The following DMKN variants were observed in gnomAD, a reference collection of about 807,000 sequenced individuals.
The protein encoded by DMKN is dermokine.
A neutral mutation model predicts 67.6 loss-of-function variants in DMKN; 58 were observed. The observed-to-expected ratio is 0.86, with a 90% CI of 0.69 to 1.07. The LOEUF (loss-of-function observed/expected upper bound fraction) is 1.07. DMKN is among the 50% of genes least tolerant of loss of function. The probability of loss-of-function intolerance (pLI) is 0.00; values close to 1 mark genes in which losing one functional copy is unlikely to be tolerated. For missense variants in DMKN, 596 were observed against 601.5 expected (o/e 0.99, Z 0.10); for synonymous variants, 240 against 232.3 (o/e 1.03, Z -0.30).
chr19:35,502,078 G>A (rs2068492171), intron 11 of DMKN, 58 bp downstream of exon 11: 23 of 1,609,614 alleles, frequency 1.4e-5, no homozygotes, highest in South Asian at 1.1e-4. Context: ...CTGGGTCAGC[G>A]GCTCGCCCAG....
chr19:35,503,526 A>G, intron 9 of DMKN: 3 of 1,515,778 alleles, frequency 2.0e-6, no homozygotes, highest in Non-Finnish European at 2.6e-6. Context: ...CCCAGGCTGG[A>G]GTGCAGTGGC....
At position 35,511,567 on chromosome 19, in the gene DMKN, G is replaced by C; in HGVS notation, c.762C>G (p.Ser254Arg). 6.3e-7 allele frequency: 1 copy of C among 1,596,626 alleles called. No individual in the cohort carries two copies. Among genetic ancestry groups the C allele is most frequent in the Non-Finnish European group, 8.5e-7 (1 of 1,174,816 alleles). ...TGTCACCATTGCTGCCACTGCCACT[G>C]CTGCCCGACTGTGAGCCGCTGCCTC... is the stretch of plus-strand genomic sequence containing the variant. ...SGGGSGSQSG[S>R]SGSGSNGDNN... The change falls in exon 5 of 16, where the codon AGC (serine) becomes AGG (arginine). Residue 254 changes from serine to arginine, a missense_variant. Transcript: ENST00000339686.
At chr19:35,512,890 G>A (rs1221089428) in intron 1 of DMKN, 100 bp from the exon 2 acceptor site, 5 of 1,509,194 alleles carry the variant, frequency 3.3e-6, no homozygotes, top group Non-Finnish European at 3.5e-6. Context: ...GACAGGCAGA[G>A]GGACTCCAGG....
intron 5 of DMKN, 35 bp from the exon 6 acceptor site, chr19:35,510,287 A>C: frequency 6.4e-7 from 1 of 1,571,126 alleles, no homozygotes; most frequent in South Asian, 1.2e-5. Context: ...ACGCTGTCCT[A>C]AAGGACCTAA....
intron 11 of DMKN, among the ~76,000 whole-genome samples, chr19:35,501,415 G>A (rs991876150): frequency 3.9e-5 from 6 of 152,178 alleles, no homozygotes; most frequent in Non-Finnish European, 8.8e-5. Flanking sequence ...CTGGTTCTTC[G>A]TGAAACATCA....
intron 9 of DMKN, chr19:35,503,221 C>T: frequency 6.9e-7 from 1 of 1,445,536 alleles, no homozygotes; most frequent in Non-Finnish European, 9.1e-7. Flanking sequence ...CAGCCCGTTT[C>T]CCGAAGCTGT....
intron 9 of DMKN, 133 bp downstream of exon 9, chr19:35,505,585 G>A (rs1315388784): frequency 3.6e-6 from 4 of 1,119,522 alleles, no homozygotes; most frequent in African/African-American, 3.1e-5. Context: ...CACCCCCAGT[G>A]TGTTTAGTTT....
At chr19:35,511,644 C>A in intron 4 of DMKN, 51 bp from the exon 5 acceptor site, 1 of 1,596,442 alleles carries the variant, frequency 6.3e-7, no homozygotes, top group Non-Finnish European at 8.6e-7. Context: ...AGCACCAAGA[C>A]GGGCCCCTCC....
At chr19:35,507,633 CAG>C in intron 7 of DMKN, 1 of 798,772 alleles carries the variant, frequency 1.3e-6, no homozygotes, top group Non-Finnish European at 2.1e-6. Flanking sequence ...ATGAGCATGA[CAG>C]AGGACTTCCC....
chr19:35,500,442 G>A (rs1303043368), intron 12 of DMKN, 91 bp downstream of exon 12: 1 of 1,556,048 alleles, frequency 6.4e-7, no homozygotes, highest in Non-Finnish European at 8.7e-7. Flanking sequence ...TTGAATGGAG[G>A]AGTGAAAGAG....
At chr19:35,501,069 C>T (rs1049845940) in intron 11 of DMKN, among the ~76,000 whole-genome samples, 2 of 152,184 alleles carry the variant, frequency 1.3e-5, no homozygotes, top group Non-Finnish European at 2.9e-5. Flanking sequence ...AAGAGAAATA[C>T]AAGAAAACAG....
chr19:35,512,930 G>A, intron 1 of DMKN, 120 bp downstream of exon 1: 2 of 1,521,906 alleles, frequency 1.3e-6, no homozygotes, highest in Non-Finnish European at 1.8e-6. Flanking sequence ...GAACATAGAA[G>A]GAAGCTGCCC....
At chr19:35,508,251 A>T in intron 7 of DMKN, 1 of 1,552,128 alleles carries the variant, frequency 6.4e-7, no homozygotes, top group Non-Finnish European at 8.7e-7. Context: ...CTGCAGGGTG[A>T]GACAAAGAAA....
chr19:35,512,692 T>C lies in DMKN; in HGVS notation c.525A>G (p.Gly175=), dbSNP rs374278860. The C allele has an allele frequency of 1.9e-6, 3 of 1,614,174 alleles. No homozygotes were observed. Among genetic ancestry groups the C allele is most frequent in the Non-Finnish European group, 2.5e-6 (3 of 1,180,028 alleles). ...AGCTGCCTGCTGAGTTTCCGGGGTATCCGTGGACCCACGGAGTCCCCAGAC... is the reference window on the plus strand; with the variant it reads ...AGCTGCCTGCTGAGTTTCCGGGGTACCCGTGGACCCACGGAGTCCCCAGAC... The part of the protein sequence containing the change: ...PGGLGTPWVH[G]YPGNSAGSFG... Residue 175 remains glycine, a synonymous_variant, in exon 2 of 16, where the codon GGA becomes GGG. Coordinates refer to ENST00000339686, the MANE Select transcript of DMKN (RefSeq NM_033317.5).
intron 10 of DMKN, among the ~76,000 whole-genome samples, chr19:35,502,459 G>A (rs1474812484): frequency 6.6e-6 from 1 of 152,150 alleles, no homozygotes; most frequent in African/African-American, 2.4e-5. Flanking sequence ...CAGCATTTTG[G>A]GAGGCCGAGG....
chr19:35,498,869 C>G lies in DMKN; in HGVS notation c.1383+5G>C. 1.9e-6 allele frequency: 3 copies of G among 1,614,184 alleles called. No homozygotes were observed. The highest frequency in any genetic ancestry group is 2.5e-6 in the Non-Finnish European group (3 of 1,180,038). On this transcript the variant is annotated splice_donor_5th_base_variant and intron_variant, in intron 14 of 15. Transcript: ENST00000339686. ...GCCAGATGAAGATCAGGCCCCCATA[C>G]TCACCGAGGAAGAAGGTGAGACTCC... is the stretch of plus-strand genomic sequence containing the variant.
At chr19:35,512,992 A>G in intron 1 of DMKN, 58 bp downstream of exon 1, 2 of 1,596,886 alleles carry the variant, frequency 1.3e-6, no homozygotes, top group Admixed American at 1.7e-5. Context: ...TTTCCCAAGA[A>G]TCTCAGCCCA....
chr19:35,513,143 G>A lies in DMKN; in HGVS notation c.333C>T (p.His111=), dbSNP rs144163969. ...CATCTTCTGCCTGTCTGCCAATCTC[G>A]TGCCCAGTGTTTCCCAGAGCATGGG... ...EAAHALGNTG[H]EIGRQAEDVI... Residue 111 remains histidine (H), a synonymous_variant, in exon 1 of 16, where the codon CAC becomes CAT. Transcript: ENST00000339686. 72 of 1,614,018 alleles carry A rather than the reference G, an allele frequency of 4.5e-5. No homozygotes were observed. The Middle Eastern group carries it at 6.6e-4, about 15-fold the overall frequency.
At position 35,512,463 on chromosome 19, in the gene DMKN, C is replaced by A. The variant is rs770391102; in HGVS notation, c.642G>T (p.Gln214His). 1.9e-5 allele frequency: 31 copies of A among 1,614,068 alleles called. No homozygotes were observed. In the African/African-American group the frequency reaches 3.5e-4, roughly 18 times the overall value. The change falls in exon 3 of 16, where the codon CAG becomes CAT. Residue 214 changes from glutamine (Q) to histidine (H), a missense_variant. Gln to His is a conservative substitution (Grantham distance 24, BLOSUM62 0). Coordinates refer to ENST00000339686, the MANE Select transcript of DMKN (RefSeq NM_033317.5). ...FGTNTQGAVAQPGYGSVRASN... is the reference protein window; with the variant it reads ...FGTNTQGAVAHPGYGSVRASN... ...TGGCTCTCACTGAACCATAGCCAGGCTGGGCCACAGCTCCCTGCAGAGAGG... is the reference window on the plus strand; with the variant it reads ...TGGCTCTCACTGAACCATAGCCAGGATGGGCCACAGCTCCCTGCAGAGAGG...
Sources: allele counts gnomAD v4.1 joint callset (sites outside exome capture counted in the v4.1 genomes callset), GRCh38; gene constraint gnomAD v4.1.1; transcripts MANE v1.5; gene names NCBI Gene and HGNC (gene_info 2026-07-23, HGNC 2026-07-21).